The following PPIL4 variants were observed in gnomAD, a reference collection of about 807,000 sequenced individuals.
PPIL4 encodes peptidyl-prolyl cis-trans isomerase-like 4.
Under a neutral mutation model 69.1 loss-of-function variants are expected in PPIL4, and 50 were observed. The ratio of observed to expected loss-of-function variants is 0.72; its 90% confidence interval spans 0.58 to 0.92. The LOEUF (loss-of-function observed/expected upper bound fraction) is 0.92, where lower values mean the gene tolerates loss of function less well. PPIL4 is among the 40% of genes least tolerant of loss of function. The pLI is 0.00. For missense variants in PPIL4, 480 were observed against 587.9 expected, an observed-to-expected ratio of 0.82 and a Z score of 1.90; for synonymous variants, 193 against 191.6, an observed-to-expected ratio of 1.01 and a Z score of -0.06.
intron 11 of PPIL4, among the ~76,000 whole-genome samples, chr6:149,513,547 A>G (rs1197606300): frequency 6.6e-6 from 1 of 150,484 alleles, no homozygotes; most frequent in African/African-American, 2.4e-5. Context: ...TCAACAAGAT[A>G]CAATATTATA....
At chr6:149,528,012 T>C (rs1777137536) in intron 7 of PPIL4, among the ~76,000 whole-genome samples, 1 of 152,150 alleles carries the variant, frequency 6.6e-6, no homozygotes, top group East Asian at 1.9e-4. Context: ...TCCCAACACT[T>C]TGGGAGGCTG....
At chr6:149,534,429 G>A (rs1777243410) in intron 6 of PPIL4, among the ~76,000 whole-genome samples, 1 of 152,162 alleles carries the variant, frequency 6.6e-6, no homozygotes, top group East Asian at 1.9e-4. Flanking sequence ...CTTTCCCAAG[G>A]TGTTCATGTA....
At chr6:149,517,930 T>G (rs914017888) in intron 10 of PPIL4, 2 of 153,440 alleles carry the variant, frequency 1.3e-5, no homozygotes, top group African/African-American at 4.8e-5. Context: ...AGGCAGAGGT[T>G]GCAGTGAGCC....
At position 149,535,578 on chromosome 6, in the gene PPIL4, A is replaced by G. The variant is rs58394793; in HGVS notation, c.464+18T>C. The G allele has an allele frequency of 6.5e-4, 1,042 of 1,601,978 alleles. 5 individuals are homozygous for G. In the African/African-American group the frequency reaches 0.013, roughly 19 times the overall value. ...TTAAAACATTCTAGTACATTCAGAT[A>G]GCAAATTGTAACCATACCTGATATC... On this transcript the variant is annotated intron_variant, in intron 5 of 12. Coordinates refer to ENST00000253329, the MANE Select transcript of PPIL4 (RefSeq NM_139126.4).
chr6:149,515,694 T>C (rs955078527), intron 11 of PPIL4, among the ~76,000 whole-genome samples: 9 of 152,150 alleles, frequency 5.9e-5, no homozygotes, highest in African/African-American at 1.9e-4. Context: ...CTCAAGACAC[T>C]TGTTGTATCT....
chr6:149,505,659 T>C lies in PPIL4; in HGVS notation c.1273A>G (p.Ser425Gly), dbSNP rs548731548. The C allele has an allele frequency of 6.2e-7, 1 of 1,614,078 alleles. No individual in the cohort carries two copies. Among genetic ancestry groups the C allele is most frequent in the African/African-American group, 1.3e-5 (1 of 75,050 alleles). ...MGFGHYEEEESCWEKQKSEKR... is the reference protein window; with the variant it reads ...MGFGHYEEEEGCWEKQKSEKR... ...TCACTCTTTTGTTTCTCCCAACAGC[T>C]TTCTTCTTCTTCATAGTGACCAAAC... is the stretch of plus-strand genomic sequence containing the variant. Residue 425 changes from serine (S) to glycine (G), a missense_variant, in exon 13 of 13, where the codon AGC becomes GGC. Transcript: ENST00000253329.
chr6:149,538,516 T>C (rs1777313447), intron 4 of PPIL4, among the ~76,000 whole-genome samples: 1 of 152,112 alleles, frequency 6.6e-6, no homozygotes, highest in Non-Finnish European at 1.5e-5. Flanking sequence ...CCATAGATGG[T>C]GATTCCTCTG....
At chr6:149,530,615 C>T (rs548888321) in intron 7 of PPIL4, among the ~76,000 whole-genome samples, 3 of 147,810 alleles carry the variant, frequency 2.0e-5, no homozygotes, top group Non-Finnish European at 3.0e-5. Flanking sequence ...GCCAAGATTG[C>T]GCCATTGCTC....
intron 7 of PPIL4, among the ~76,000 whole-genome samples, chr6:149,528,566 A>G (rs1455679669): frequency 2.6e-5 from 4 of 152,260 alleles, no homozygotes; most frequent in Non-Finnish European, 5.9e-5. Context: ...TAATAAAATC[A>G]AAAGGACACA....
chr6:149,531,904 G>A (rs189039310), intron 7 of PPIL4, among the ~76,000 whole-genome samples: 53 of 152,224 alleles, frequency 3.5e-4, no homozygotes, highest in Non-Finnish European at 5.9e-4. Flanking sequence ...TCCTGACCTC[G>A]TGATCCACCC....
chr6:149,509,489 T>C (rs745995126), intron 12 of PPIL4, among the ~76,000 whole-genome samples: 6 of 152,188 alleles, frequency 3.9e-5, no homozygotes, highest in Non-Finnish European at 7.3e-5. Context: ...GGGGAAAGAA[T>C]TCAGAGTTTT....
intron 11 of PPIL4, 54 bp downstream of exon 11, chr6:149,517,278 CATAACACATCACACAGTACTCT>C (rs768512254): frequency 1.2e-6 from 1 of 810,284 alleles, no homozygotes; most frequent in Non-Finnish European, 2.0e-6. Flanking sequence ...TGTGACTTTT[CATAACACATCACACAGTACTCT>C]ACACATAGCA....
At chr6:149,541,738 G>A (rs1777366083) in intron 1 of PPIL4, 152 bp from the exon 2 acceptor site, 2 of 526,508 alleles carry the variant, frequency 3.8e-6, no homozygotes, top group Non-Finnish European at 6.8e-6. Flanking sequence ...TAGGCCGGGC[G>A]CTGGCTCACA....
At chr6:149,525,364 T>C (rs866323021) in intron 8 of PPIL4, among the ~76,000 whole-genome samples, 155 bp from the exon 9 acceptor site, 3 of 152,218 alleles carry the variant, frequency 2.0e-5, no homozygotes, top group African/African-American at 4.8e-5. Flanking sequence ...AACAATTCTT[T>C]TTTAAAAGTA....
intron 1 of PPIL4, among the ~76,000 whole-genome samples, chr6:149,543,934 G>A (rs951150885): frequency 1.3e-5 from 2 of 152,244 alleles, no homozygotes; most frequent in Admixed American, 1.3e-4. Context: ...AGAAAGAATG[G>A]AAGGTAGGTA....
chr6:149,521,332 C>T (rs1255535248), intron 9 of PPIL4, among the ~76,000 whole-genome samples, 161 bp from the exon 10 acceptor site: 1 of 152,190 alleles, frequency 6.6e-6, no homozygotes, highest in Non-Finnish European at 1.5e-5. Context: ...ACCTCAAATA[C>T]CTCTGGTAAC....
At chr6:149,518,709 A>G (rs9767369) in intron 10 of PPIL4, among the ~76,000 whole-genome samples, 4,097 of 152,292 alleles carry the variant, frequency 0.027, 161 homozygotes, top group African/African-American at 0.092. Context: ...ATTATTTGCC[A>G]TCTGCCTGCC....
intron 4 of PPIL4, 79 bp from the exon 5 acceptor site, chr6:149,535,817 A>T: frequency 1.0e-6 from 1 of 987,778 alleles, no homozygotes; most frequent in Admixed American, 2.6e-5. Context: ...CTGACAAAAA[A>T]ATACATGAAA....
intron 12 of PPIL4, among the ~76,000 whole-genome samples, chr6:149,506,811 G>A (rs922416575): frequency 1.2e-4 from 19 of 152,100 alleles, no homozygotes; most frequent in Non-Finnish European, 2.8e-4. Flanking sequence ...GCCCAGGGTG[G>A]TCTCAAACTC....
Sources: gnomAD v4.1 joint callset for allele counts (sites outside exome capture counted in the v4.1 genomes callset) on GRCh38, gnomAD v4.1.1 for gene constraint, MANE v1.5 for transcripts, NCBI Gene and HGNC (gene_info 2026-07-23, HGNC 2026-07-21) for gene names.